Variants in DPP10 observed in about 807,000 individuals in gnomAD.
DPP10 encodes the protein dipeptidyl peptidase like 10.
DPP10 carries 33 observed loss-of-function variants against 120.9 expected under a neutral mutation model. The ratio of observed to expected loss-of-function variants is 0.27; its 90% CI spans 0.21 to 0.37. The LOEUF (loss-of-function observed/expected upper bound fraction) is 0.37. Among genes scored for constraint, DPP10 ranks in the 10% least tolerant of loss-of-function variants. DPP10 has a pLI of 1.00. For synonymous variants in DPP10, 337 were observed against 326.1 expected (o/e 1.03, Z -0.36); for missense variants, 816 against 942.8 (o/e 0.87, Z 1.76).
chr2:114,688,652 A>G (rs1699526738), intron 1 of DPP10, among the ~76,000 whole-genome samples: 1 of 152,020 alleles, frequency 6.6e-6, no homozygotes, highest in Non-Finnish European at 1.5e-5. Context: ...GGAAGAAAGC[A>G]AGCTGTAATC....
At chr2:114,967,244 T>C (rs1287843746) in intron 1 of DPP10, among the ~76,000 whole-genome samples, 1 of 152,144 alleles carries the variant, frequency 6.6e-6, no homozygotes, top group Admixed American at 6.5e-5. Flanking sequence ...AAACAATTGA[T>C]AATTATTGGA....
chr2:114,791,162 G>C (rs1204388423), intron 1 of DPP10, among the ~76,000 whole-genome samples: 2 of 152,128 alleles, frequency 1.3e-5, no homozygotes, highest in East Asian at 3.9e-4. Flanking sequence ...GCTTGTACAT[G>C]TGACCTACCC....
intron 3 of DPP10, among the ~76,000 whole-genome samples, chr2:115,447,569 T>C (rs2072723690): frequency 6.6e-6 from 1 of 152,188 alleles, no homozygotes; most frequent in Admixed American, 6.5e-5. Flanking sequence ...GATTGGATCA[T>C]GGGTACGGTT....
At chr2:115,589,948 A>G (rs1027776723) in intron 5 of DPP10, among the ~76,000 whole-genome samples, 1 of 152,126 alleles carries the variant, frequency 6.6e-6, no homozygotes, top group Non-Finnish European at 1.5e-5. Flanking sequence ...TGTAAAGTAT[A>G]AGGCCCTATA....
chr2:114,466,240 C>G (rs767644569), intron 1 of DPP10, among the ~76,000 whole-genome samples: 2 of 152,014 alleles, frequency 1.3e-5, no homozygotes, highest in African/African-American at 4.8e-5. Flanking sequence ...ATAACTAAGG[C>G]AATCTGATAT....
At chr2:115,323,226 C>G (rs1272995230) in intron 2 of DPP10, among the ~76,000 whole-genome samples, 1 of 152,150 alleles carries the variant, frequency 6.6e-6, no homozygotes, top group African/African-American at 2.4e-5. Context: ...GTGTTTACAG[C>G]ATGTTAGCTA....
intron 1 of DPP10, among the ~76,000 whole-genome samples, chr2:115,007,830 G>C (rs1367800206): frequency 1.3e-5 from 2 of 148,530 alleles, no homozygotes; most frequent in Middle Eastern, 7.0e-3. Context: ...ATTCACAATT[G>C]CTTCAAAGAG....
intron 2 of DPP10, among the ~76,000 whole-genome samples, chr2:115,315,590 A>G (rs1238607272): frequency 6.6e-6 from 1 of 152,188 alleles, no homozygotes; most frequent in African/African-American, 2.4e-5. Flanking sequence ...ATGCATTATG[A>G]GGGGAAAATA....
chr2:115,213,305 A>C (rs1471489534), intron 1 of DPP10, among the ~76,000 whole-genome samples: 1 of 152,140 alleles, frequency 6.6e-6, no homozygotes, highest in Non-Finnish European at 1.5e-5. Context: ...TTAGAAAAAA[A>C]CTGGGATTGT....
At chr2:115,229,110 G>A (rs1053591907) in intron 1 of DPP10, among the ~76,000 whole-genome samples, 1 of 152,054 alleles carries the variant, frequency 6.6e-6, no homozygotes, top group Non-Finnish European at 1.5e-5. Context: ...GCTTTGATTT[G>A]CATATCTCTG....
intron 1 of DPP10, among the ~76,000 whole-genome samples, chr2:114,663,505 C>T (rs913960111): frequency 2.0e-5 from 3 of 150,198 alleles, no homozygotes; most frequent in Non-Finnish European, 4.4e-5. Flanking sequence ...CAACAGGACC[C>T]GCTGTAATTT....
At chr2:115,429,330 G>A (rs1456333501) in intron 3 of DPP10, among the ~76,000 whole-genome samples, 3 of 152,046 alleles carry the variant, frequency 2.0e-5, no homozygotes, top group African/African-American at 7.2e-5. Flanking sequence ...CTCCTTGTGT[G>A]AGAAAGGAGG....
intron 1 of DPP10, among the ~76,000 whole-genome samples, chr2:115,088,750 CAAAAAA>C (rs70941027): frequency 5.7e-4 from 37 of 65,046 alleles, no homozygotes; most frequent in Admixed American, 1.7e-3. Context: ...CTGTGCCTGA[CAAAAAA>C]AAAAAAAAAA....
At chr2:115,195,685 T>C (rs956234817) in intron 1 of DPP10, among the ~76,000 whole-genome samples, 1 of 152,216 alleles carries the variant, frequency 6.6e-6, no homozygotes, top group Non-Finnish European at 1.5e-5. Context: ...TTTTGTTCAT[T>C]TAGAAGTGGT....
intron 3 of DPP10, among the ~76,000 whole-genome samples, chr2:115,428,521 C>T (rs1024331301): frequency 1.3e-5 from 2 of 152,090 alleles, no homozygotes; most frequent in African/African-American, 4.8e-5. Flanking sequence ...AGCTTGCACA[C>T]ACATGGTGAG....
At chr2:114,636,661 G>A (rs1695324592) in intron 1 of DPP10, among the ~76,000 whole-genome samples, 1 of 151,938 alleles carries the variant, frequency 6.6e-6, no homozygotes, top group Non-Finnish European at 1.5e-5. Flanking sequence ...GACAGAGAAA[G>A]CATTTACAAA....
intron 10 of DPP10, among the ~76,000 whole-genome samples, chr2:115,751,809 T>G (rs982656414): frequency 2.2e-4 from 34 of 151,746 alleles, no homozygotes; most frequent in African/African-American, 8.0e-4. Flanking sequence ...TGTTGTTTTT[T>G]TTTTTTTGAG....
At chr2:115,090,727 A>T (rs1390981385) in intron 1 of DPP10, among the ~76,000 whole-genome samples, 1 of 152,044 alleles carries the variant, frequency 6.6e-6, no homozygotes, top group Middle Eastern at 3.4e-3. Context: ...ACGGTCTAAG[A>T]GTATTTATTG....
intron 1 of DPP10, among the ~76,000 whole-genome samples, chr2:115,183,821 A>T (rs1220950489): frequency 6.6e-6 from 1 of 152,280 alleles, no homozygotes; most frequent in Non-Finnish European, 1.5e-5. Flanking sequence ...TAAAAGCTAG[A>T]TCGAAAGAGC....
Sources: allele counts gnomAD v4.1 joint callset (sites outside exome capture counted in the v4.1 genomes callset), GRCh38; gene constraint gnomAD v4.1.1; transcripts MANE v1.5; gene names NCBI Gene and HGNC (gene_info 2026-07-23, HGNC 2026-07-21).